Variants in IL1RAPL1 observed in about 807,000 individuals in gnomAD.
IL1RAPL1 encodes interleukin-1 receptor accessory protein-like 1.
A neutral mutation model predicts 48.4 loss-of-function variants in IL1RAPL1; 3 were observed. The observed-to-expected ratio is 0.06, with a 90% CI of 0.03 to 0.16. The LOEUF is 0.16. Among genes scored for constraint, IL1RAPL1 ranks in the 10% least tolerant of loss-of-function variants. The pLI is 1.00. For missense variants in IL1RAPL1, 349 were observed against 530.6 expected (o/e 0.66, Z 3.36); for synonymous variants, 185 against 187.7 (o/e 0.99, Z 0.12).
At chrX:29,223,572 TCTCACTCTGTCACCCAGGC>T (rs1315588672) in intron 2 of IL1RAPL1, among the ~76,000 whole-genome samples, 1 of 105,090 alleles carries the variant, frequency 9.5e-6, no homozygotes, top group Non-Finnish European at 1.9e-5. Flanking sequence ...TGAGATGGAG[TCTCACTCTGTCACCCAGGC>T]TGGAGTGCAA....
chrX:28,709,633 G>T (rs993733373), intron 1 of IL1RAPL1, among the ~76,000 whole-genome samples: 2 of 109,895 alleles, frequency 1.8e-5, no homozygotes, highest in African/African-American at 6.7e-5. Flanking sequence ...TTGTGGGGAG[G>T]TGGCACAAAA....
At chrX:28,620,669 A>G (rs1375491933) in intron 1 of IL1RAPL1, among the ~76,000 whole-genome samples, 1 of 111,850 alleles carries the variant, frequency 8.9e-6, no homozygotes, top group African/African-American at 3.3e-5. Context: ...GTTTGTATTC[A>G]TAGAGGGCTT....
intron 6 of IL1RAPL1, among the ~76,000 whole-genome samples, chrX:29,690,639 A>G (rs927894659): frequency 1.8e-5 from 2 of 112,358 alleles, no homozygotes; most frequent in Non-Finnish European, 3.8e-5. Flanking sequence ...TCCTGAAAAC[A>G]AAAGTATTTC....
rs746840935 is a variant in IL1RAPL1, at chrX:28,923,179, C to CTT, written c.82+133757_82+133758dup. Among the ~76,000 whole-genome samples, 166 of 110,982 alleles carry CTT rather than the reference C, an allele frequency of 1.5e-3. 1 individual carries two copies. The highest frequency in any genetic ancestry group is 9.3e-3 in the Middle Eastern group (2 of 216). On this transcript the variant is annotated intron_variant, in intron 2 of 10. Transcript: ENST00000378993. ...AAGATTTGTACGTTTCTTTTTCTTT[C>CTT]TTTTCTTTTTTTTTGAGAAGGAGTT... is the stretch of plus-strand genomic sequence containing the variant.
chrX:29,626,741 C>T (rs1924627235), intron 5 of IL1RAPL1, among the ~76,000 whole-genome samples: 1 of 111,891 alleles, frequency 8.9e-6, no homozygotes, highest in Non-Finnish European at 1.9e-5. Context: ...TCAGTGGTTC[C>T]AGTTCACCCC....
intron 5 of IL1RAPL1, among the ~76,000 whole-genome samples, chrX:29,464,757 G>T (rs986362232): frequency 6.2e-5 from 7 of 112,077 alleles, no homozygotes; most frequent in Non-Finnish European, 1.3e-4. Context: ...CCATAAAAAA[G>T]AATGAGATAT....
Position 29,922,919 on chromosome X carries a change from A to G in IL1RAPL1, c.1057+2825A>G, listed in dbSNP as rs558234237. On this transcript the variant is annotated intron_variant, in intron 8 of 10. Coordinates refer to ENST00000378993, the MANE Select transcript of IL1RAPL1 (RefSeq NM_014271.4). The stretch of plus-strand genomic sequence containing the variant: ...CCTTTTAAAACCTCCCTAGAGAGAC[A>G]TGTTCAAACATTTGTTGAATACTGA... Among the ~76,000 whole-genome samples, 8 of 112,087 alleles carry G rather than the reference A, an allele frequency of 7.1e-5. No individual in the cohort carries two copies. The East Asian group carries it at 2.2e-3, about 31-fold the overall frequency.
chrX:29,332,750 A>C (rs1256322531), intron 3 of IL1RAPL1, among the ~76,000 whole-genome samples: 5 of 109,461 alleles, frequency 4.6e-5, no homozygotes, highest in African/African-American at 1.7e-4. Flanking sequence ...GCAGATAAAC[A>C]AGTGAGCAAA....
intron 2 of IL1RAPL1, among the ~76,000 whole-genome samples, chrX:29,231,105 T>G (rs1044276758): frequency 2.0e-4 from 23 of 112,226 alleles, no homozygotes; most frequent in African/African-American, 6.8e-4. Flanking sequence ...TTTGGCTTCA[T>G]GTTTGCAGAT....
chrX:29,783,066 G>A lies in IL1RAPL1; in HGVS notation c.778+114562G>A, dbSNP rs558399535. ...ACTACAGGCGCCTGCCACTACGCCC[G>A]GCTAATTTTTTGTATTTTTAGTAGA... On this transcript the variant is annotated intron_variant, in intron 6 of 10. Coordinates refer to ENST00000378993, the MANE Select transcript of IL1RAPL1 (RefSeq NM_014271.4). Among the ~76,000 whole-genome samples, 37 of 106,409 alleles carry A rather than the reference G, an allele frequency of 3.5e-4. No homozygotes were observed. In the South Asian group the frequency reaches 0.016, roughly 46 times the overall value. The allele number at this position is 106,409 out of a possible 115,157, so 92.4% of individuals were successfully genotyped here. A position where few individuals can be genotyped will look rare whatever the true frequency, so the allele number is the denominator to read the frequency against.
At chrX:28,616,307 C>T (rs955989241) in intron 1 of IL1RAPL1, among the ~76,000 whole-genome samples, 9 of 112,312 alleles carry the variant, frequency 8.0e-5, no homozygotes, top group Non-Finnish European at 1.3e-4. Context: ...TTTTCTGGTA[C>T]GTGCTTAGAA....
At chrX:28,954,006 T>A (rs769542043) in intron 2 of IL1RAPL1, among the ~76,000 whole-genome samples, 2 of 111,531 alleles carry the variant, frequency 1.8e-5, no homozygotes, top group African/African-American at 6.5e-5. Context: ...CTGATACTTT[T>A]AAAAATGTAC....
intron 1 of IL1RAPL1, among the ~76,000 whole-genome samples, chrX:28,769,782 A>G (rs1284924414): frequency 8.9e-6 from 1 of 111,781 alleles, no homozygotes; most frequent in Non-Finnish European, 1.9e-5. Flanking sequence ...CTGCTGCTGC[A>G]TCTGCTCATT....
At chrX:29,836,525 A>G (rs774463399) in intron 6 of IL1RAPL1, among the ~76,000 whole-genome samples, 1 of 111,743 alleles carries the variant, frequency 8.9e-6, no homozygotes, top group Non-Finnish European at 1.9e-5. Context: ...GACATTTTTA[A>G]ATTTTTCTTT....
intron 2 of IL1RAPL1, among the ~76,000 whole-genome samples, chrX:29,200,953 ATT>A (rs773902114): frequency 1.1e-3 from 118 of 110,784 alleles, no homozygotes; most frequent in African/African-American, 3.7e-3. Flanking sequence ...CCCAGTAGTT[ATT>A]TTTCCTGATC....
At chrX:29,399,666 A>C (rs1933965976) in intron 5 of IL1RAPL1, among the ~76,000 whole-genome samples, 1 of 110,557 alleles carries the variant, frequency 9.0e-6, no homozygotes. Flanking sequence ...TAAAAATACA[A>C]AAATTAGCCA....
intron 2 of IL1RAPL1, among the ~76,000 whole-genome samples, chrX:28,922,404 C>G (rs1464956598): frequency 3.6e-5 from 4 of 111,585 alleles, no homozygotes; most frequent in African/African-American, 6.5e-5. Flanking sequence ...ATTCCATCAT[C>G]GGCACATATC....
chrX:29,608,743 G>A (rs1313291577), intron 5 of IL1RAPL1, among the ~76,000 whole-genome samples: 9 of 101,373 alleles, frequency 8.9e-5, no homozygotes, highest in Non-Finnish European at 1.4e-4. Flanking sequence ...GGAGAATGGT[G>A]TGAACCTGGG....
chrX:28,893,134 G>A (rs1446964319), intron 2 of IL1RAPL1, among the ~76,000 whole-genome samples: 1 of 111,001 alleles, frequency 9.0e-6, no homozygotes, highest in African/African-American at 3.3e-5. Context: ...CAAGTTTTTT[G>A]GGGTGCAGTC....
Sources: allele counts gnomAD v4.1 joint callset (sites outside exome capture counted in the v4.1 genomes callset), GRCh38; gene constraint gnomAD v4.1.1; transcripts MANE v1.5; gene names NCBI Gene and HGNC (gene_info 2026-07-23, HGNC 2026-07-21).